NCOA7: variants seen among roughly 807,000 people sequenced by gnomAD.
NCOA7 encodes the protein nuclear receptor coactivator 7.
Under a neutral mutation model 104.3 loss-of-function variants are expected in NCOA7, and 45 were observed. The ratio of observed to expected loss-of-function variants is 0.43; its 90% CI spans 0.34 to 0.55. NCOA7 has a LOEUF of 0.55. NCOA7 is among the 20% of genes least tolerant of loss of function. The probability of loss-of-function intolerance (pLI) is 0.02; values close to 1 mark genes in which losing one functional copy is unlikely to be tolerated. For synonymous variants in NCOA7, 398 were observed against 402.3 expected (o/e 0.99, Z 0.13); for missense variants, 1,041 against 1,119.7 (o/e 0.93, Z 1.00).
chr6:125,850,849 A>G (rs1781062526), intron 2 of NCOA7, among the ~76,000 whole-genome samples: 1 of 152,186 alleles, frequency 6.6e-6, no homozygotes, highest in Non-Finnish European at 1.5e-5. Context: ...TAAGCCTCCC[A>G]ATGTAAAGAG....
chr6:125,871,968 G>A (rs1394044226), intron 3 of NCOA7, among the ~76,000 whole-genome samples: 1 of 143,504 alleles, frequency 7.0e-6, no homozygotes, highest in Non-Finnish European at 1.5e-5. Context: ...CTGCACCCCA[G>A]CCTGGGTGAC....
At chr6:125,782,557 G>A (rs1774274227) in intron 1 of NCOA7, among the ~76,000 whole-genome samples, 1 of 152,134 alleles carries the variant, frequency 6.6e-6, no homozygotes, top group South Asian at 2.1e-4. Context: ...TCACGTATCT[G>A]TAGTCTCCTT....
chr6:125,906,702 C>T (rs1786043454), intron 10 of NCOA7, among the ~76,000 whole-genome samples: 2 of 151,968 alleles, frequency 1.3e-5, no homozygotes, highest in South Asian at 4.1e-4. Context: ...AGGGCGGGAG[C>T]ATAGCTGGTA....
At position 125,922,685 on chromosome 6, in the gene NCOA7, G is replaced by T. The variant is rs763648481; in HGVS notation, c.2374G>T (p.Ala792Ser). 3.1e-6 allele frequency: 5 copies of T among 1,611,820 alleles called. No individual in the cohort carries two copies. The highest frequency in any genetic ancestry group is 4.2e-6 in the Non-Finnish European group (5 of 1,179,308). ...ATCTCTTCCTTTGGCTTTGTAGCTG[G>T]CCCGACGCCTTCCTGCAAGGGTGCA... The part of the protein sequence containing the change: ...LLENMHIEQL[A>S]RRLPARVQGY... Residue 792 changes from alanine to serine, a missense_variant, in exon 13 of 16, where the codon GCC becomes TCC. This residue lies in a region of NCOA7 where 914 missense variants were observed against 942.7 expected (regional missense o/e 0.97). Transcript: ENST00000392477.
intron 2 of NCOA7, among the ~76,000 whole-genome samples, chr6:125,825,694 T>C (rs1390370009): frequency 6.6e-6 from 1 of 152,216 alleles, no homozygotes; most frequent in Non-Finnish European, 1.5e-5. Context: ...GTAAGGTCAC[T>C]GGGGACTGAG....
intron 2 of NCOA7, among the ~76,000 whole-genome samples, chr6:125,822,034 G>A (rs1778233365): frequency 1.3e-5 from 2 of 152,222 alleles, no homozygotes; most frequent in Admixed American, 6.5e-5. Flanking sequence ...TGGTGTGCCA[G>A]TGCCAAGAAT....
intron 1 of NCOA7, among the ~76,000 whole-genome samples, chr6:125,814,843 T>G (rs1456588008): frequency 1.3e-5 from 2 of 152,212 alleles, no homozygotes; most frequent in Admixed American, 6.5e-5. Flanking sequence ...GCTGAAGTTA[T>G]TTTTATTTTT....
In NCOA7 at chr6:125,889,285, G is replaced by A; in HGVS notation, c.1231G>A (p.Gly411Arg). The A allele has an allele frequency of 6.2e-7, 1 of 1,614,062 alleles. No homozygotes were observed. Among genetic ancestry groups the A allele is most frequent in the Non-Finnish European group, 8.5e-7 (1 of 1,179,988 alleles). ...ATCTACAGCCAAAGAAAACTTTCTA[G>A]GGGAAGATGATGATTTTGTTGACTT... Reference protein sequence around the residue: ...FESTAKENFLGEDDDFVDLEE... With the variant: ...FESTAKENFLREDDDFVDLEE... The change falls in exon 9 of 16, where the codon GGG becomes AGG. Residue 411 changes from glycine to arginine, a missense_variant. Transcript: ENST00000392477.
rs765975449 is a variant in NCOA7, at chr6:125,882,543, G to T, written c.691G>T (p.Asp231Tyr). The part of the protein sequence containing the change: ...FLKMNCRYFT[D>Y]GKGVVGGVMI... ...AAAAATGAATTGTCGATACTTCACC[G>T]ATGGAAAGGTATATAGCAATGTAAT... Residue 231 changes from aspartate to tyrosine, a missense_variant, in exon 7 of 16, where the codon GAT becomes TAT. Coordinates refer to ENST00000392477, the MANE Select transcript of NCOA7 (RefSeq NM_181782.5). 1 of 1,612,532 alleles carries T rather than the reference G, an allele frequency of 6.2e-7. No individual in the cohort carries two copies. The highest frequency in any genetic ancestry group is 2.2e-5 in the East Asian group (1 of 44,770).
intron 1 of NCOA7, among the ~76,000 whole-genome samples, chr6:125,784,774 A>T (rs921131407): frequency 2.0e-5 from 3 of 152,218 alleles, no homozygotes; most frequent in African/African-American, 7.2e-5. Flanking sequence ...CTGAATGAGG[A>T]AAAAAGCCAA....
At chr6:125,840,750 G>A (rs1411822424) in intron 2 of NCOA7, among the ~76,000 whole-genome samples, 2 of 150,120 alleles carry the variant, frequency 1.3e-5, no homozygotes, top group African/African-American at 5.0e-5. Context: ...GGCTCAAGCA[G>A]TTCTTCTGCT....
At position 125,928,900 on chromosome 6, in the gene NCOA7, C is replaced by G; in HGVS notation, c.*129C>G. The stretch of plus-strand genomic sequence containing the variant: ...CCCAATGCTTCCTTTCTGCCATCAT[C>G]TCAGAGCATGATCACATTGCAGAAA... On this transcript the variant is annotated 3_prime_UTR_variant, in exon 16 of 16. Transcript: ENST00000392477. 1.0e-6 allele frequency: 1 copy of G among 980,428 alleles called. No homozygotes were observed. Among genetic ancestry groups the G allele is most frequent in the Non-Finnish European group, 1.5e-6 (1 of 679,432 alleles). The allele number at this position is 980,428 out of a possible 1,614,324, so 60.7% of individuals were successfully genotyped here. A position where few individuals can be genotyped will look rare whatever the true frequency, so the allele number is the denominator to read the frequency against.
In NCOA7 at chr6:125,898,079, A is replaced by T. The variant is rs17053672; in HGVS notation, c.2096+7269A>T. On this transcript the variant is annotated intron_variant, in intron 10 of 15. Transcript: ENST00000392477. ...TTTTATTGTTAGGAGTGACTAGTTG[A>T]TGACCGATCATAGTCAGGATTTTTC... Among the ~76,000 whole-genome samples, 630 of 152,332 alleles carry T rather than the reference A, an allele frequency of 4.1e-3. 6 individuals carry two copies. The highest frequency in any genetic ancestry group is 0.015 in the African/African-American group (604 of 41,572).
chr6:125,869,343 C>T (rs1782689701), intron 3 of NCOA7, among the ~76,000 whole-genome samples: 1 of 152,168 alleles, frequency 6.6e-6, no homozygotes, highest in Non-Finnish European at 1.5e-5. Flanking sequence ...CCAGCATACT[C>T]AATGTCCACA....
chr6:125,790,018 C>T (rs1774683852), upstream of NCOA7, among the ~76,000 whole-genome samples: 2 of 152,362 alleles, frequency 1.3e-5, no homozygotes, highest in Non-Finnish European at 2.9e-5. Flanking sequence ...ACAGGCCCCG[C>T]AGCTGATGCA....
At chr6:125,928,147 T>C in intron 14 of NCOA7, 27 bp from the exon 15 acceptor site, 1 of 1,579,276 alleles carries the variant, frequency 6.3e-7, no homozygotes, top group South Asian at 1.1e-5. Context: ...AAAATGTCTG[T>C]TTTCTTTTTT....
intron 5 of NCOA7, among the ~76,000 whole-genome samples, chr6:125,878,999 G>T (rs565668688): frequency 1.9e-4 from 29 of 152,148 alleles, no homozygotes; most frequent in African/African-American, 5.8e-4. Flanking sequence ...CAATTGAATC[G>T]CAATCTATGT....
At chr6:125,845,933 C>G (rs936125644) in intron 2 of NCOA7, among the ~76,000 whole-genome samples, 3 of 152,058 alleles carry the variant, frequency 2.0e-5, no homozygotes, top group Non-Finnish European at 2.9e-5. Flanking sequence ...TGCTGCAATA[C>G]TGTTTTACAT....
At chr6:125,859,417 A>G (rs1053718653) in intron 3 of NCOA7, among the ~76,000 whole-genome samples, 1 of 152,214 alleles carries the variant, frequency 6.6e-6, no homozygotes, top group Non-Finnish European at 1.5e-5. Context: ...CTGCATGTGT[A>G]AAACAAAAGT....
Sources: allele counts gnomAD v4.1 joint callset (sites outside exome capture counted in the v4.1 genomes callset), GRCh38; gene constraint gnomAD v4.1.1; regional missense constraint gnomAD v4.1.1; transcripts MANE v1.5; gene names NCBI Gene and HGNC (gene_info 2026-07-23, HGNC 2026-07-21).